The following CCDC181 variants were observed in gnomAD, a reference collection of about 807,000 sequenced individuals.
The protein encoded by CCDC181 is coiled-coil domain containing 181.
CCDC181 carries 35 observed loss-of-function variants against 58.7 expected under a neutral mutation model. That is an observed-to-expected ratio of 0.60 (90% CI 0.46 to 0.79). The LOEUF (loss-of-function observed/expected upper bound fraction) is 0.79. Ranked by LOEUF, CCDC181 falls within the 30% of genes least tolerant of loss-of-function variation. CCDC181 has a pLI of 0.00. For missense variants in CCDC181, 517 were observed against 583.9 expected, an observed-to-expected ratio of 0.89 and a Z score of 1.18; for synonymous variants, 183 against 197.5, an observed-to-expected ratio of 0.93 and a Z score of 0.62.
chr1:169,427,516 C>G (rs1215097112), upstream of CCDC181: 1 of 152,290 alleles, frequency 6.6e-6, no homozygotes, highest in Non-Finnish European at 1.5e-5. Context: ...CTCAGACCAC[C>G]GACCCCTCCC....
At chr1:169,427,147 G>A (rs912769119) in intron 1 of CCDC181, 141 bp downstream of exon 1, 1 of 152,184 alleles carries the variant, frequency 6.6e-6, no homozygotes, top group African/African-American at 2.4e-5. Context: ...GACTCCAGAG[G>A]ATAAGGCGCC....
At chr1:169,434,765 G>A (rs1402458499) in intron 2 of CCDC181, among the ~76,000 whole-genome samples, 1 of 152,010 alleles carries the variant, frequency 6.6e-6, no homozygotes, top group Non-Finnish European at 1.5e-5. Flanking sequence ...TACAAAGCAA[G>A]GATGCCTGCT....
At chr1:169,438,519 T>A (rs566768697) in intron 2 of CCDC181, among the ~76,000 whole-genome samples, 8 of 152,208 alleles carry the variant, frequency 5.3e-5, no homozygotes, top group African/African-American at 1.9e-4. Flanking sequence ...TGCTGCCCAA[T>A]GGTCTGCATG....
At chr1:169,403,615 G>C (rs952666786) in intron 4 of CCDC181, among the ~76,000 whole-genome samples, 1 of 152,158 alleles carries the variant, frequency 6.6e-6, no homozygotes, top group South Asian at 2.1e-4. Flanking sequence ...AAACCAATGA[G>C]AACAAAGACA....
chr1:169,421,664 A>G lies in CCDC181; in HGVS notation c.767T>C (p.Leu256Ser), dbSNP rs145581337. 1.2e-6 allele frequency: 2 copies of G among 1,614,014 alleles called. No individual in the cohort carries two copies. The highest frequency in any genetic ancestry group is 2.7e-5 in the African/African-American group (2 of 74,900). ...NSTENDPQQL[L>S]PRSSNSSVSG... ...GACAGAGGAGTTGGAAGATCTGGGTAACAACTGCTGAGGGTCATTTTCTGT... is the reference window on the plus strand; with the variant it reads ...GACAGAGGAGTTGGAAGATCTGGGTGACAACTGCTGAGGGTCATTTTCTGT... Residue 256 changes from leucine to serine, a missense_variant, in exon 3 of 6, where the codon TTA becomes TCA. Coordinates refer to ENST00000367806, the MANE Select transcript of CCDC181 (RefSeq NM_001300969.2).
At chr1:169,434,059 T>C (rs534149576) in intron 2 of CCDC181, among the ~76,000 whole-genome samples, 1 of 152,116 alleles carries the variant, frequency 6.6e-6, no homozygotes, top group South Asian at 2.1e-4. Context: ...AAGGTATTAA[T>C]ATCCATAACA....
chr1:169,399,895 C>T (rs1302048509), intron 4 of CCDC181, among the ~76,000 whole-genome samples: 1 of 152,164 alleles, frequency 6.6e-6, no homozygotes, highest in Non-Finnish European at 1.5e-5. Context: ...TCACTAGTCT[C>T]ACTGGGCTCA....
At position 169,426,635 on chromosome 1, in the gene CCDC181, T is replaced by C. The variant is rs141529607; in HGVS notation, c.-24+653A>G. Among the ~76,000 whole-genome samples the C allele has an allele frequency of 3.3e-3, 502 of 152,304 alleles. 3 individuals are homozygous for C. Among genetic ancestry groups the C allele is most frequent in the Non-Finnish European group, 5.9e-3 (404 of 68,018 alleles). On this transcript the variant is annotated intron_variant, in intron 1 of 5. Transcript: ENST00000367806. ...GGATATTCAAAAATAGTTTAAATAA[T>C]TGGGTCCCATCTTACAGCGTTTTAA...
intron 4 of CCDC181, among the ~76,000 whole-genome samples, chr1:169,410,750 C>T (rs1056197954): frequency 2.6e-5 from 4 of 152,160 alleles, no homozygotes; most frequent in African/African-American, 9.7e-5. Flanking sequence ...CTCAAAACTG[C>T]ACAACTACAT....
At chr1:169,419,818 C>T (rs1004121819) in intron 3 of CCDC181, among the ~76,000 whole-genome samples, 7 of 152,238 alleles carry the variant, frequency 4.6e-5, no homozygotes, top group Admixed American at 2.0e-4. Context: ...GCACTGATAA[C>T]GGAGTTGCCA....
intron 4 of CCDC181, among the ~76,000 whole-genome samples, chr1:169,415,090 C>T (rs1220262780): frequency 6.6e-6 from 1 of 152,122 alleles, no homozygotes; most frequent in Non-Finnish European, 1.5e-5. Context: ...AGAATACAAT[C>T]CAAGATTACT....
Position 169,421,924 on chromosome 1 carries a change from A to T in CCDC181, c.507T>A (p.Thr169=), listed in dbSNP as rs756848089. 6.2e-7 allele frequency: 1 copy of T among 1,613,786 alleles called. No homozygotes were observed. The highest frequency in any genetic ancestry group is 1.7e-5 in the Admixed American group (1 of 59,958). Residue 169 remains threonine (T), a synonymous_variant, in exon 3 of 6, where the codon ACT becomes ACA. Coordinates refer to ENST00000367806, the MANE Select transcript of CCDC181 (RefSeq NM_001300969.2). The part of the protein sequence containing the change: ...VDLEVPPLED[T]TTFKNYFENE... ...TTTCAAAATAATTTTTAAAAGTAGT[A>T]GTGTCTTCTAGTGGAGGAACTTCCA...
intron 4 of CCDC181, among the ~76,000 whole-genome samples, chr1:169,414,608 A>C (rs1323948849): frequency 6.6e-6 from 1 of 152,214 alleles, no homozygotes; most frequent in Non-Finnish European, 1.5e-5. Context: ...GAGCAAGAGA[A>C]GCAAATTTCA....
At chr1:169,404,599 A>G (rs1655545348) in intron 4 of CCDC181, among the ~76,000 whole-genome samples, 1 of 152,266 alleles carries the variant, frequency 6.6e-6, no homozygotes, top group African/African-American at 2.4e-5. Context: ...GGCCTTCGAA[A>G]AAATTCAACA....
intron 4 of CCDC181, among the ~76,000 whole-genome samples, chr1:169,401,259 G>C (rs930650631): frequency 6.6e-6 from 1 of 152,218 alleles, no homozygotes; most frequent in Non-Finnish European, 1.5e-5. Flanking sequence ...AGAAACTTCT[G>C]CAGACTTAAA....
intron 4 of CCDC181, among the ~76,000 whole-genome samples, chr1:169,405,304 TA>T (rs1655586141): frequency 6.6e-6 from 1 of 152,180 alleles, no homozygotes; most frequent in Non-Finnish European, 1.5e-5. Flanking sequence ...TGGAAAAAAC[TA>T]CTTTAAAGTT....
exon 1 of CCDC181, chr1:169,460,492 C>G (rs1478654744): frequency 1.3e-5 from 2 of 152,428 alleles, no homozygotes; most frequent in Non-Finnish European, 2.9e-5. Context: ...GCCGGCTAGC[C>G]GGTAATGCGC....
At chr1:169,458,491 G>T (rs1238001431) in intron 2 of CCDC181, among the ~76,000 whole-genome samples, 6 of 152,044 alleles carry the variant, frequency 3.9e-5, no homozygotes, top group African/African-American at 1.4e-4. Context: ...AATCTAGAAG[G>T]GTCCTGAGTG....
At chr1:169,443,522 C>T (rs915188095) in intron 2 of CCDC181, 1 of 151,920 alleles carries the variant, frequency 6.6e-6, no homozygotes, top group Non-Finnish European at 1.5e-5. Flanking sequence ...ATAAGAAAAC[C>T]CTCTGTTTAT....
Sources: allele counts gnomAD v4.1 joint callset (sites outside exome capture counted in the v4.1 genomes callset), GRCh38; gene constraint gnomAD v4.1.1; transcripts MANE v1.5; gene names NCBI Gene and HGNC (gene_info 2026-07-23, HGNC 2026-07-21).